The following STK10 variants were observed in gnomAD, a reference collection of about 807,000 sequenced individuals.
The protein encoded by STK10 is serine/threonine kinase 10, also known as serine/threonine-protein kinase 10.
A neutral mutation model predicts 113.8 loss-of-function variants in STK10; 78 were observed. The ratio of observed to expected loss-of-function variants is 0.69; its 90% confidence interval spans 0.57 to 0.83. STK10 has a LOEUF of 0.83. Among genes scored for constraint, STK10 ranks in the 40% least tolerant of loss-of-function variants. The pLI is 0.00. For missense variants in STK10, 1,109 were observed against 1,280.1 expected, an observed-to-expected ratio of 0.87 and a Z score of 2.04; for synonymous variants, 465 against 494.7, an observed-to-expected ratio of 0.94 and a Z score of 0.80.
chr5:172,066,105 G>C (rs988358793), intron 12 of STK10, among the ~76,000 whole-genome samples: 5 of 152,152 alleles, frequency 3.3e-5, no homozygotes, highest in African/African-American at 1.2e-4. Context: ...AGCATCTGAT[G>C]GGGGGAAAGG....
chr5:172,133,478 G>A lies in STK10; in HGVS notation c.322-6057C>T, dbSNP rs1338543266. Among the ~76,000 whole-genome samples, 1 of 152,190 alleles carries A rather than the reference G, an allele frequency of 6.6e-6. No homozygotes were observed. The highest frequency in any genetic ancestry group is 2.4e-5 in the African/African-American group (1 of 41,446). On this transcript the variant is annotated intron_variant, in intron 2 of 18. Coordinates refer to ENST00000176763, the MANE Select transcript of STK10 (RefSeq NM_005990.4). This position sits in a 1 kb window ranked among gnomAD's most constrained non-coding sequence, Gnocchi z 4.9. ...CCTGCAAGGGAGGGGTAGAAGCAGGGTGCTAAGCCAGTCAGGAAAATTTTC... is the reference window on the plus strand; with the variant it reads ...CCTGCAAGGGAGGGGTAGAAGCAGGATGCTAAGCCAGTCAGGAAAATTTTC...
At position 172,044,939 on chromosome 5, in the gene STK10, G is replaced by C; in HGVS notation, c.2850C>G (p.Pro950=). Residue 950 remains proline, a synonymous_variant, in exon 19 of 19, where the codon CCC becomes CCG. Transcript: ENST00000176763. The surrounding 1 kb of genome is among the most constrained non-coding windows in gnomAD (Gnocchi z 4.5). The part of the protein sequence containing the change: ...KLSEEAECPN[P]STPSKAAKFF... ...ACTTGGCGGCCTTGCTTGGGGTGGA[G>C]GGGTTTGGGCACTCCGCCTCCTCGC... 1 of 1,614,204 alleles carries C rather than the reference G, an allele frequency of 6.2e-7. No homozygotes were observed. The highest frequency in any genetic ancestry group is 8.5e-7 in the Non-Finnish European group (1 of 1,180,032).
At chr5:172,146,575 T>C (rs1023881658) in intron 2 of STK10, among the ~76,000 whole-genome samples, 7 of 152,156 alleles carry the variant, frequency 4.6e-5, no homozygotes, top group Non-Finnish European at 1.0e-4. Flanking sequence ...AGTGGTCACC[T>C]GGCCGGGGCA....
intron 5 of STK10, among the ~76,000 whole-genome samples, chr5:172,107,331 TAAAGTA>T (rs1354149075): frequency 6.6e-6 from 1 of 152,144 alleles, no homozygotes; most frequent in African/African-American, 2.4e-5. Flanking sequence ...GTTTTGCTTT[TAAAGTA>T]ATAGTTCTGG....
At position 172,118,010 on chromosome 5, in the gene STK10, C is replaced by CAAAAAAAAAAAAAAAAAA. The variant is rs57672334; in HGVS notation, c.371-398_371-381dup. Among the ~76,000 whole-genome samples the CAAAAAAAAAAAAAAAAAA allele has an allele frequency of 2.9e-5, 2 of 69,838 alleles. 1 individual carries two copies. The highest frequency in any genetic ancestry group is 5.9e-5 in the Non-Finnish European group (2 of 33,844). The allele number at this position is 69,838 out of a possible 152,430, so 45.8% of individuals were successfully genotyped here. On this transcript the variant is annotated intron_variant, in intron 3 of 18. Coordinates refer to ENST00000176763, the MANE Select transcript of STK10 (RefSeq NM_005990.4). ...CCTGTGCGACAGTGATACTCCATCT[C>CAAAAAAAAAAAAAAAAAA]AAAAAAAAAAAAAAAAAAAAAGCCA...
At chr5:172,071,185 G>A (rs1382015646) in intron 12 of STK10, among the ~76,000 whole-genome samples, 3 of 134,440 alleles carry the variant, frequency 2.2e-5, no homozygotes, top group Non-Finnish European at 4.6e-5. Flanking sequence ...CTCCAGCCTG[G>A]GCGACAGAGT....
intron 18 of STK10, among the ~76,000 whole-genome samples, chr5:172,046,532 G>T (rs552191968): frequency 6.6e-6 from 1 of 152,210 alleles, no homozygotes; most frequent in South Asian, 2.1e-4. Flanking sequence ...CTTGCCCAAG[G>T]TTTCACAACT....
intron 4 of STK10, chr5:172,108,225 A>G (rs1769159273): frequency 6.1e-6 from 1 of 162,916 alleles, no homozygotes; most frequent in African/African-American, 2.4e-5. Context: ...CATTATAATA[A>G]CAGTGCCATT....
chr5:172,106,509 G>A (rs1581159193), intron 6 of STK10, 111 bp downstream of exon 6: 3 of 1,205,222 alleles, frequency 2.5e-6, no homozygotes, highest in African/African-American at 3.1e-5. Flanking sequence ...TTTGGAGCTA[G>A]CAGCACCAGG....
rs142815484 is a variant in STK10, at chr5:172,151,960, C to G, written c.321+4664G>C. 3.2e-3 allele frequency among the ~76,000 whole-genome samples: 494 copies of G among 152,366 alleles called. 7 individuals carry two copies. Among genetic ancestry groups the G allele is most frequent in the African/African-American group, 0.011 (474 of 41,590 alleles). ...TGCACTTCTGATTCCCTCTACCTGG[C>G]ACTTTCTGCCCCCACACATTTGGAG... On this transcript the variant is annotated intron_variant, in intron 2 of 18. Transcript: ENST00000176763.
At chr5:172,142,526 G>A (rs1769995835) in intron 2 of STK10, among the ~76,000 whole-genome samples, 1 of 152,116 alleles carries the variant, frequency 6.6e-6, no homozygotes, top group African/African-American at 2.4e-5. Flanking sequence ...GACACCTAAT[G>A]CAATTTGAGA....
rs750176610 is a variant in STK10 at position 172,096,524 on chromosome 5, G to A, written c.907C>T (p.Leu303=). Residue 303 remains leucine (L), a synonymous_variant, in exon 8 of 19, where the codon CTG becomes TTG. Coordinates refer to ENST00000176763, the MANE Select transcript of STK10 (RefSeq NM_005990.4). ...TTGGCCTCAGCCACCAGCTCCCGCAGAGCCTTGTTACTGGTGATGCTGCTG... is the reference window on the plus strand; with the variant it reads ...TTGGCCTCAGCCACCAGCTCCCGCAAAGCCTTGTTACTGGTGATGCTGCTG... ...FVSSITSNKA[L]RELVAEAKAE... 1.2e-6 allele frequency: 2 copies of A among 1,613,748 alleles called. No homozygotes were observed. The highest frequency in any genetic ancestry group is 2.2e-5 in the South Asian group (2 of 91,088).
At chr5:172,157,092 A>T (rs77801681) in intron 1 of STK10, among the ~76,000 whole-genome samples, 2,766 of 152,350 alleles carry the variant, frequency 0.018, 37 homozygotes, top group Non-Finnish European at 0.028. Flanking sequence ...AAGTCATTGA[A>T]CAATAAAAAT....
chr5:172,110,577 A>C (rs1471229009), intron 4 of STK10, among the ~76,000 whole-genome samples: 1 of 152,156 alleles, frequency 6.6e-6, no homozygotes, highest in African/African-American at 2.4e-5. Context: ...TTCCAGGCAG[A>C]GAAAACTGCA....
intron 6 of STK10, among the ~76,000 whole-genome samples, chr5:172,106,071 A>G (rs1349807885): frequency 6.6e-6 from 1 of 152,076 alleles, no homozygotes; most frequent in East Asian, 1.9e-4. Context: ...CCCCAGTGGG[A>G]GCCAGCTTAT....
At chr5:172,107,621 G>C (rs1182423378) in intron 5 of STK10, among the ~76,000 whole-genome samples, 159 bp downstream of exon 5, 1 of 152,194 alleles carries the variant, frequency 6.6e-6, no homozygotes, top group Non-Finnish European at 1.5e-5. Context: ...TGACGCACGG[G>C]AAAGCTAAAC....
chr5:172,095,916 A>C (rs1467343789), intron 8 of STK10, among the ~76,000 whole-genome samples: 1 of 152,198 alleles, frequency 6.6e-6, no homozygotes, highest in East Asian at 1.9e-4. Context: ...GGTTTTTACA[A>C]ATTTAAATTA....
chr5:172,115,649 C>T (rs73802357), intron 4 of STK10, among the ~76,000 whole-genome samples: 2,200 of 152,270 alleles, frequency 0.014, 52 homozygotes, highest in African/African-American at 0.051. Context: ...TGGTTAAGCA[C>T]GTAGGCTCTG....
intron 2 of STK10, among the ~76,000 whole-genome samples, chr5:172,150,710 C>T (rs538733236): frequency 2.0e-5 from 3 of 152,302 alleles, no homozygotes; most frequent in Admixed American, 2.0e-4. Context: ...CCCTGGCCAG[C>T]AACGTGTGGT....
Sources: allele counts gnomAD v4.1 joint callset (sites outside exome capture counted in the v4.1 genomes callset), GRCh38; gene constraint gnomAD v4.1.1; non-coding constraint Gnocchi (gnomAD v3.1); transcripts MANE v1.5; gene names NCBI Gene and HGNC (gene_info 2026-07-23, HGNC 2026-07-21).